CIB3: variants seen among roughly 807,000 people sequenced by gnomAD.
The protein encoded by CIB3 is calcium and integrin binding family member 3.
CIB3 carries 22 observed loss-of-function variants against 23.4 expected under a neutral mutation model. That is an observed-to-expected ratio of 0.94 (90% confidence interval 0.67 to 1.34). The LOEUF is 1.34. Ranked by LOEUF, CIB3 falls within the 40% of genes most tolerant of loss-of-function variation. The probability of loss-of-function intolerance (pLI) is 0.00; values close to 1 mark genes in which losing one functional copy is unlikely to be tolerated. For missense variants in CIB3, 258 were observed against 247.3 expected, an observed-to-expected ratio of 1.04 and a Z score of -0.29; for synonymous variants, 93 against 95.8, an observed-to-expected ratio of 0.97 and a Z score of 0.17.
rs2091299537 is a variant in CIB3 at position 16,164,891 on chromosome 19, A to G, written c.369T>C (p.Ile123=). The change falls in exon 5 of 6, where the codon ATT becomes ATC. Residue 123 remains isoleucine, a synonymous_variant. Coordinates refer to ENST00000269878, the MANE Select transcript of CIB3 (RefSeq NM_054113.4). ...CCGTCTGCTCCAGGTCCCACGCACA[A>G]ATGTAGTCGTCGTTGTTAAAATCTG... ...KIYDFNNDDY[I]CAWDLEQTVT... 1 of 1,614,040 alleles carries G rather than the reference A, an allele frequency of 6.2e-7. No homozygotes were observed. Among genetic ancestry groups the G allele is most frequent in the Non-Finnish European group, 8.5e-7 (1 of 1,179,980 alleles).
rs537548707 is a variant in CIB3 at position 16,162,329 on chromosome 19, T to C, written c.543-843A>G. On this transcript the variant is annotated intron_variant, in intron 5 of 5. Coordinates refer to ENST00000269878, the MANE Select transcript of CIB3 (RefSeq NM_054113.4). ...CTCCCAGCTACTCAGGAGGCTGAGG[T>C]GGGAGGATTGCTCTTGAGCCCAGGA... 5.0e-5 allele frequency among the ~76,000 whole-genome samples: 7 copies of C among 138,816 alleles called. No homozygotes were observed. In the Admixed American group the frequency reaches 5.2e-4, roughly 10 times the overall value. 91.1% of individuals were successfully genotyped at this position (138,816 alleles called of 152,430 possible).
chr19:16,173,352 T>G, intron 1 of CIB3, 73 bp downstream of exon 1: 4 of 1,560,616 alleles, frequency 2.6e-6, no homozygotes, highest in Non-Finnish European at 3.5e-6. Context: ...GATGAAGGCA[T>G]TCTGTTCCCA....
chr19:16,173,041 TACACACACACACACACACACACACAC>T (rs3076227), intron 2 of CIB3, 95 bp downstream of exon 2: 101 of 783,994 alleles, frequency 1.3e-4, no homozygotes, highest in Non-Finnish European at 3.6e-5. Context: ...AAAGACTACT[TACACACACACACACACACACACACAC>T]ACACACACAC....
chr19:16,164,982 T>C, intron 4 of CIB3, 69 bp from the exon 5 acceptor site: 1 of 1,344,918 alleles, frequency 7.4e-7, no homozygotes, highest in Non-Finnish European at 1.1e-6. Context: ...GGGCACATAC[T>C]GTGCCCATGT....
At chr19:16,172,508 C>T (rs1011073493) in intron 2 of CIB3, among the ~76,000 whole-genome samples, 1 of 152,172 alleles carries the variant, frequency 6.6e-6, no homozygotes, top group Admixed American at 6.6e-5. Context: ...ATGCATGCTC[C>T]ATAGCTCCCT....
intron 2 of CIB3, among the ~76,000 whole-genome samples, chr19:16,170,901 G>A (rs285283): frequency 0.086 from 13,097 of 151,840 alleles, 795 homozygotes; most frequent in African/African-American, 0.17. Flanking sequence ...CACTTTGAGA[G>A]GCCGAGGCAG....
At chr19:16,168,323 C>A in intron 3 of CIB3, 39 bp from the exon 4 acceptor site, 1 of 1,609,894 alleles carries the variant, frequency 6.2e-7, no homozygotes, top group South Asian at 1.1e-5. Context: ...ATCCTCTGAC[C>A]CCCAAGGTCT....
rs763714279 is a variant in CIB3, at chr19:16,168,265, C to T, written c.218G>A (p.Arg73Lys). 1 of 1,613,910 alleles carries T rather than the reference C, an allele frequency of 6.2e-7. No homozygotes were observed. The highest frequency in any genetic ancestry group is 8.5e-7 in the Non-Finnish European group (1 of 1,179,948). The stretch of plus-strand genomic sequence containing the variant: ...ATCCTCAGAGAATACCTGGGCAATC[C>T]TCTGGCGGAAGGGGTTGTCCTGGGG... ...PELKDNPFRQ[R>K]IAQVFSEDGD... Residue 73 changes from arginine to lysine, a missense_variant, in exon 4 of 6, where the codon AGG becomes AAG. Coordinates refer to ENST00000269878, the MANE Select transcript of CIB3 (RefSeq NM_054113.4).
chr19:16,168,157 T>G lies in CIB3; in HGVS notation c.326A>C (p.Tyr109Ser), dbSNP rs2091313163. The change falls in exon 4 of 6, where the codon TAC becomes TCC. Residue 109 changes from tyrosine to serine, a missense_variant. Tyr to Ser is a moderately radical substitution (Grantham distance 144, BLOSUM62 -2). Transcript: ENST00000269878. ...SEMAPRDLKAYYAFKIYDFNN... is the reference protein window; with the variant it reads ...SEMAPRDLKASYAFKIYDFNN... ...CGCACCATAAATTTTAAAAGCATAG[T>G]AAGCCTTGAGGTCGCGGGGAGCCAT... The G allele has an allele frequency of 1.9e-6, 3 of 1,610,040 alleles. No individual in the cohort carries two copies. The East Asian group carries it at 6.7e-5, about 36-fold the overall frequency.
rs138731439 is a variant in CIB3, at chr19:16,164,899, C to T, written c.361G>A (p.Asp121Asn). 17 of 1,613,908 alleles carry T rather than the reference C, an allele frequency of 1.1e-5. No homozygotes were observed. The highest frequency in any genetic ancestry group is 1.3e-5 in the African/African-American group (1 of 74,908). ...AFKIYDFNND[D>N]YICAWDLEQT... ...TCCAGGTCCCACGCACAAATGTAGT[C>T]GTCGTTGTTAAAATCTGCAGAGCAG... The change falls in exon 5 of 6, where the codon GAC becomes AAC. Residue 121 changes from aspartate to asparagine, a missense_variant. Physicochemically the swap from Asp to Asn is conservative, Grantham distance 23. Transcript: ENST00000269878.
At chr19:16,172,406 T>A (rs1212478510) in intron 2 of CIB3, among the ~76,000 whole-genome samples, 1 of 152,048 alleles carries the variant, frequency 6.6e-6, no homozygotes, top group Non-Finnish European at 1.5e-5. Context: ...CCACCCACCT[T>A]GTCCTCCCAA....
At chr19:16,166,269 C>A (rs1023957120) in intron 4 of CIB3, among the ~76,000 whole-genome samples, 1 of 152,018 alleles carries the variant, frequency 6.6e-6, no homozygotes, top group African/African-American at 2.4e-5. Context: ...CCAGCCTGGG[C>A]GACAAGAGTG....
At chr19:16,164,213 G>A (rs2091296272) in intron 5 of CIB3, among the ~76,000 whole-genome samples, 1 of 152,172 alleles carries the variant, frequency 6.6e-6, no homozygotes, top group African/African-American at 2.4e-5. Flanking sequence ...GGGGTCAAGA[G>A]ATCCTCCCCA....
intron 2 of CIB3, among the ~76,000 whole-genome samples, chr19:16,171,434 G>A (rs750536695): frequency 2.6e-5 from 4 of 152,092 alleles, no homozygotes; most frequent in African/African-American, 9.7e-5. Flanking sequence ...TCCCCAAGCT[G>A]CTAGGGACTG....
Position 16,164,790 on chromosome 19 carries a change from T to G in CIB3, c.470A>C (p.Asp157Ala). 1 of 1,614,070 alleles carries G rather than the reference T, an allele frequency of 6.2e-7. No homozygotes were observed. The highest frequency in any genetic ancestry group is 8.5e-7 in the Non-Finnish European group (1 of 1,180,008). Reference protein sequence around the residue: ...LVCEKVLDEADGDHDGRLSLE... With the variant: ...LVCEKVLDEAAGDHDGRLSLE... ...GGACAGCCGCCCATCATGGTCTCCA[T>G]CAGCCTCATCCAGCACCTTCTCACA... The change falls in exon 5 of 6, where the codon GAT (aspartate) becomes GCT (alanine). Residue 157 changes from aspartate to alanine, a missense_variant. Transcript: ENST00000269878.
At position 16,169,631 on chromosome 19, in the gene CIB3, T is replaced by C. The variant is rs779245584; in HGVS notation, c.197A>G (p.Lys66Arg). Residue 66 changes from lysine to arginine, a missense_variant and splice_region_variant, in exon 3 of 6, where the codon AAG (lysine) becomes AGG (arginine). Lys to Arg is a conservative substitution (Grantham distance 26, BLOSUM62 2). Coordinates refer to ENST00000269878, the MANE Select transcript of CIB3 (RefSeq NM_054113.4). ...GTTTGTCCCATGGCCTGGGCATACCTTCAGCTCGGGCATGCTGCCAATGAG... is the reference window on the plus strand; with the variant it reads ...GTTTGTCCCATGGCCTGGGCATACCCTCAGCTCGGGCATGCTGCCAATGAG... ...YELIGSMPEL[K>R]DNPFRQRIAQ... The C allele has an allele frequency of 3.1e-6, 5 of 1,612,494 alleles. No homozygotes were observed. The highest frequency in any genetic ancestry group is 4.2e-6 in the Non-Finnish European group (5 of 1,179,038).
At chr19:16,164,202 T>C (rs2091296246) in intron 5 of CIB3, among the ~76,000 whole-genome samples, 1 of 152,186 alleles carries the variant, frequency 6.6e-6, no homozygotes, top group Admixed American at 6.5e-5. Flanking sequence ...CTCAAGCTCC[T>C]GGGGTCAAGA....
intron 1 of CIB3, 80 bp downstream of exon 1, chr19:16,173,345 G>C: frequency 6.4e-7 from 1 of 1,551,902 alleles, no homozygotes; most frequent in Non-Finnish European, 8.9e-7. Flanking sequence ...ACACCCAGAT[G>C]AAGGCATTCT....
chr19:16,166,245 C>A (rs561775783), intron 4 of CIB3, among the ~76,000 whole-genome samples: 1 of 152,074 alleles, frequency 6.6e-6, no homozygotes, highest in East Asian at 1.9e-4. Context: ...GATCTGAGAT[C>A]GCGCCATTGC....
Sources: gnomAD v4.1 joint callset for allele counts (sites outside exome capture counted in the v4.1 genomes callset) on GRCh38, gnomAD v4.1.1 for gene constraint, MANE v1.5 for transcripts, NCBI Gene and HGNC (gene_info 2026-07-23, HGNC 2026-07-21) for gene names.